Variants in GCM1 observed in about 807,000 individuals in gnomAD.
GCM1 encodes the protein chorion-specific transcription factor GCMa.
In GCM1, 2 loss-of-function variants were observed where a neutral mutation model predicts 25.7. The ratio of observed to expected loss-of-function variants is 0.08; its 90% CI spans 0.03 to 0.24. The LOEUF is 0.24. Ranked by LOEUF, GCM1 falls within the 10% of genes least tolerant of loss-of-function variation. The probability of loss-of-function intolerance (pLI) is 1.00; values close to 1 mark genes in which losing one functional copy is unlikely to be tolerated. For missense variants in GCM1, 395 were observed against 538.7 expected, an observed-to-expected ratio of 0.73 and a Z score of 2.64; for synonymous variants, 183 against 195.7, an observed-to-expected ratio of 0.94 and a Z score of 0.54.
intron 2 of GCM1, among the ~76,000 whole-genome samples, chr6:53,142,298 G>C (rs941967172): frequency 6.6e-6 from 1 of 152,068 alleles, no homozygotes; most frequent in Non-Finnish European, 1.5e-5. Flanking sequence ...TGCCAAAAAA[G>C]GTAGTCTGGG....
At position 53,134,226 on chromosome 6, in the gene GCM1, G is replaced by A; in HGVS notation, c.174C>T (p.Ser58=). 6.2e-7 allele frequency: 1 copy of A among 1,614,202 alleles called. No homozygotes were observed. The highest frequency in any genetic ancestry group is 8.5e-7 in the Non-Finnish European group (1 of 1,180,022). ...GGTTGTTGGTATTGCGCATGGCCCA[G>A]CTGCTCAGGTGCCGCTGCGCATTCT... ...EDKNAQRHLS[S]WAMRNTNNHN... is the part of the protein sequence containing the mutation. The change falls in exon 3 of 6, where the codon AGC becomes AGT. Residue 58 remains serine (S), a synonymous_variant. Transcript: ENST00000259803.
intron 2 of GCM1, among the ~76,000 whole-genome samples, chr6:53,142,634 A>T (rs907595815): frequency 6.6e-6 from 1 of 152,220 alleles, no homozygotes; most frequent in Non-Finnish European, 1.5e-5. Context: ...AAGACTTAAG[A>T]AAATCAATTT....
chr6:53,143,898 C>T (rs1276295963), intron 2 of GCM1, among the ~76,000 whole-genome samples: 2 of 152,198 alleles, frequency 1.3e-5, no homozygotes, highest in Non-Finnish European at 2.9e-5. Flanking sequence ...AGGAAGTCTT[C>T]GTTAGAAATT....
intron 3 of GCM1, 106 bp from the exon 4 acceptor site, chr6:53,132,225 T>C: frequency 1.3e-6 from 1 of 742,836 alleles, no homozygotes; most frequent in Non-Finnish European, 2.4e-6. Context: ...CGGCAGAGTA[T>C]AAATCTGGGC....
intron 2 of GCM1, among the ~76,000 whole-genome samples, chr6:53,134,675 A>G (rs971663521): frequency 6.6e-6 from 1 of 152,224 alleles, no homozygotes; most frequent in Non-Finnish European, 1.5e-5. Context: ...CACAATAACT[A>G]TAGAAAACAG....
chr6:53,147,362 A>C (rs1156606246), intron 1 of GCM1, among the ~76,000 whole-genome samples: 1 of 151,712 alleles, frequency 6.6e-6, no homozygotes, highest in Non-Finnish European at 1.5e-5. Flanking sequence ...AACTCAAACT[A>C]TAAGGTAGAT....
At chr6:53,133,328 C>A (rs2127508551) in intron 3 of GCM1, among the ~76,000 whole-genome samples, 1 of 119,408 alleles carries the variant, frequency 8.4e-6, no homozygotes, top group African/African-American at 3.0e-5. Context: ...CCACACCCGG[C>A]AAATGTGTGT....
chr6:53,139,245 A>C (rs1370382329), intron 2 of GCM1, among the ~76,000 whole-genome samples: 1 of 152,130 alleles, frequency 6.6e-6, no homozygotes, highest in African/African-American at 2.4e-5. Context: ...ACCTTCAACC[A>C]ATGTTTTGAT....
rs752890981 is a variant in GCM1 at position 53,128,911 on chromosome 6, T to G, written c.606A>C (p.Leu202Phe). 1 of 1,613,320 alleles carries G rather than the reference T, an allele frequency of 6.2e-7. No individual in the cohort carries two copies. The highest frequency in any genetic ancestry group is 1.1e-5 in the South Asian group (1 of 91,056). ...CTTCCTGGAAAGACCAAGTTAAAGGTAAACTCCCCTGACTTTGTGTTTCAC... is the reference window on the plus strand; with the variant it reads ...CTTCCTGGAAAGACCAAGTTAAAGGGAAACTCCCCTGACTTTGTGTTTCAC... Reference protein sequence around the residue: ...LPGETQSQGSLPLTWSFQEGV... With the variant: ...LPGETQSQGSFPLTWSFQEGV... The change falls in exon 6 of 6, where the codon TTA becomes TTC. Residue 202 changes from leucine to phenylalanine, a missense_variant. By Grantham distance (22) the Leu-to-Phe change is conservative. Transcript: ENST00000259803.
At chr6:53,139,381 G>A (rs1048186093) in intron 2 of GCM1, among the ~76,000 whole-genome samples, 8 of 151,624 alleles carry the variant, frequency 5.3e-5, no homozygotes, top group African/African-American at 1.5e-4. Flanking sequence ...TACTCCTTAG[G>A]GCAGGCATGG....
chr6:53,147,774 C>T (rs1193246008), intron 1 of GCM1, among the ~76,000 whole-genome samples: 1 of 152,130 alleles, frequency 6.6e-6, no homozygotes, highest in East Asian at 1.9e-4. Context: ...ACTTGTCAAT[C>T]ACTGAACTCT....
intron 1 of GCM1, among the ~76,000 whole-genome samples, chr6:53,148,543 C>G (rs1763997450): frequency 2.0e-5 from 3 of 152,150 alleles, no homozygotes; most frequent in Non-Finnish European, 4.4e-5. Flanking sequence ...AACCATTTTA[C>G]AGCCCTTAAG....
chr6:53,130,673 T>C (rs748614479), intron 5 of GCM1, 130 bp downstream of exon 5: 11 of 665,854 alleles, frequency 1.7e-5, no homozygotes, highest in African/African-American at 3.6e-5. Context: ...CAGATGCTTG[T>C]TTGTAGATGA....
At chr6:53,141,181 C>G (rs1763868644) in intron 2 of GCM1, among the ~76,000 whole-genome samples, 1 of 152,104 alleles carries the variant, frequency 6.6e-6, no homozygotes, top group South Asian at 2.1e-4. Flanking sequence ...AGCATTTCCA[C>G]AGAAGTTAAC....
intron 2 of GCM1, among the ~76,000 whole-genome samples, chr6:53,142,000 GAAAAAAAAAAAAAAAAAAAAAAAAAA>G (rs59663630): frequency 0.028 from 349 of 12,306 alleles, 25 homozygotes; most frequent in Non-Finnish European, 7.6e-3. Flanking sequence ...GTGAGACCCT[GAAAAAAAAAAAAAAAAAAAAAAAAAA>G]AAAAAAAAAA....
rs1259951702 is a variant in GCM1 at position 53,142,000 on chromosome 6, G to GGAAAAAAAAAAAAAAAA, written c.75+3557_75+3558insTTTTTTTTTTTTTTTTC. Among the ~76,000 whole-genome samples, 13 of 12,292 alleles carry GGAAAAAAAAAAAAAAAA rather than the reference G, an allele frequency of 1.1e-3. 3 individuals are homozygous for GGAAAAAAAAAAAAAAAA. Among genetic ancestry groups the GGAAAAAAAAAAAAAAAA allele is most frequent in the Non-Finnish European group, 1.5e-3 (9 of 5,940 alleles). The allele number at this position is 12,292 out of a possible 152,430, so 8.1% of individuals were successfully genotyped here. On this transcript the variant is annotated intron_variant, in intron 2 of 5. Transcript: ENST00000259803. Reference sequence around the variant, plus strand: ...GCTTGGGTAATGAGAGTGAGACCCTGAAAAAAAAAAAAAAAAAAAAAAAAA... The same window carrying GGAAAAAAAAAAAAAAAA: ...GCTTGGGTAATGAGAGTGAGACCCTGGAAAAAAAAAAAAAAAAAAAAAAAAAAAAAAAAAAAAAAAAA...
At chr6:53,134,346 C>T (rs778029535) in intron 2 of GCM1, 22 bp from the exon 3 acceptor site, 9 of 1,603,994 alleles carry the variant, frequency 5.6e-6, no homozygotes, top group South Asian at 4.4e-5. Flanking sequence ...ACAAAAGATA[C>T]GACTATACTT....
rs34458227 is a variant in GCM1 at position 53,132,070 on chromosome 6, T to A, written c.378A>T (p.Arg126=). The change falls in exon 4 of 6, where the codon CGA becomes CGT. Residue 126 remains arginine, a synonymous_variant. Transcript: ENST00000259803. ...CDGPLKLIPC[R]GHGGFPVTNF... is the part of the protein sequence containing the mutation. ...TGGTGACCGGGAAGCCCCCATGACC[T>A]CGGCAAGGGATGAGCTTCAGAGGCC... 4,998 of 1,613,478 alleles carry A rather than the reference T, an allele frequency of 3.1e-3. 131 individuals carry two copies. In the African/African-American group the frequency reaches 0.056, roughly 18 times the overall value.
chr6:53,141,300 A>G (rs1020653917), intron 2 of GCM1, among the ~76,000 whole-genome samples: 15 of 152,232 alleles, frequency 9.9e-5, no homozygotes, highest in Admixed American at 6.5e-5. Context: ...ACTGTTGTCA[A>G]AATTAACCCA....
Sources: gnomAD v4.1 joint callset for allele counts (sites outside exome capture counted in the v4.1 genomes callset) on GRCh38, gnomAD v4.1.1 for gene constraint, MANE v1.5 for transcripts, NCBI Gene and HGNC (gene_info 2026-07-23, HGNC 2026-07-21) for gene names.